ADGRG3: variants seen among roughly 807,000 people sequenced by gnomAD.
ADGRG3 encodes the protein G protein-coupled receptor 97.
In ADGRG3, 39 loss-of-function variants were observed where a neutral mutation model predicts 54.3. That is an observed-to-expected ratio of 0.72 (90% CI 0.56 to 0.94). ADGRG3 has a LOEUF of 0.94. Among genes scored for constraint, ADGRG3 ranks in the 40% least tolerant of loss-of-function variants. ADGRG3 has a pLI of 0.00. For missense variants in ADGRG3, 654 were observed against 694.6 expected, an observed-to-expected ratio of 0.94 and a Z score of 0.66; for synonymous variants, 312 against 290.0, an observed-to-expected ratio of 1.08 and a Z score of -0.77.
intron 8 of ADGRG3, 79 bp from the exon 9 acceptor site, chr16:57,683,853 G>T: frequency 1.7e-6 from 2 of 1,191,202 alleles, no homozygotes; most frequent in Non-Finnish European, 2.3e-6. Flanking sequence ...TAGGCTATTG[G>T]GGTGGACAGG....
At position 57,679,920 on chromosome 16, in the gene ADGRG3, C is replaced by T. The variant is rs181893840; in HGVS notation, c.667+65C>T. 39 of 1,319,592 alleles carry T rather than the reference C, an allele frequency of 3.0e-5. No homozygotes were observed. In the African/African-American group the frequency reaches 3.3e-4, roughly 11 times the overall value. The allele number at this position is 1,319,592 out of a possible 1,614,324, so 81.7% of individuals were successfully genotyped here. The stretch of plus-strand genomic sequence containing the variant: ...GGAGGGTATGGGCTGCATTGTGGGG[C>T]GGGGCTAGCTCCACTGGCTGAGTCC... On this transcript the variant is annotated intron_variant, in intron 6 of 11. Coordinates refer to ENST00000333493, the MANE Select transcript of ADGRG3 (RefSeq NM_170776.5).
chr16:57,667,124 C>T (rs74530452), upstream of ADGRG3, among the ~76,000 whole-genome samples: 6,217 of 152,350 alleles, frequency 0.041, 147 homozygotes, highest in South Asian at 0.073. Flanking sequence ...GCTCCCACAC[C>T]ATGAGTGACC....
intron 2 of ADGRG3, among the ~76,000 whole-genome samples, chr16:57,675,182 A>G (rs2048240043): frequency 6.6e-6 from 1 of 152,008 alleles, no homozygotes; most frequent in South Asian, 2.1e-4. Flanking sequence ...ATAAAAAGAA[A>G]TAAAATACAG....
intron 4 of ADGRG3, 53 bp downstream of exon 4, chr16:57,678,369 A>G (rs1205271194): frequency 1.9e-6 from 3 of 1,578,740 alleles, no homozygotes; most frequent in East Asian, 2.2e-5. Context: ...TGGGGGCTCC[A>G]TGCCACAGTT....
intron 10 of ADGRG3, among the ~76,000 whole-genome samples, chr16:57,684,980 TC>T (rs2048447021): frequency 6.6e-6 from 1 of 152,170 alleles, no homozygotes; most frequent in African/African-American, 2.4e-5. Flanking sequence ...GCCCGATCTC[TC>T]CCAGGGCCTC....
intron 8 of ADGRG3, among the ~76,000 whole-genome samples, chr16:57,681,699 C>G (rs1597774633): frequency 7.3e-6 from 1 of 137,420 alleles, no homozygotes; most frequent in East Asian, 2.1e-4. Flanking sequence ...GCACTCCAGC[C>G]TGGACAACAA....
At chr16:57,679,378 A>C (rs1488546668) in intron 5 of ADGRG3, 67 bp downstream of exon 5, 1 of 1,561,866 alleles carries the variant, frequency 6.4e-7, no homozygotes, top group East Asian at 2.2e-5. Flanking sequence ...ACCTGGGCCC[A>C]TGGGCCCTGC....
At chr16:57,684,262 G>T (rs1319820541) in intron 9 of ADGRG3, 50 bp downstream of exon 9, 1 of 1,589,264 alleles carries the variant, frequency 6.3e-7, no homozygotes, top group Non-Finnish European at 8.6e-7. Flanking sequence ...TGAGGGTGCA[G>T]AGGGAAATAG....
Position 57,668,357 on chromosome 16 carries a change from C to A in ADGRG3, c.10C>A (p.Pro4Thr). Residue 4 changes from proline to threonine, a missense_variant, in exon 1 of 12, where the codon CCC becomes ACC. Pro to Thr is a conservative substitution (Grantham distance 38). Transcript: ENST00000333493. ...GCAAGGCTGGCCAAGGATGGCGACGCCCAGGGGCCTGGGGGCCCTGCTCCT... is the reference window on the plus strand; with the variant it reads ...GCAAGGCTGGCCAAGGATGGCGACGACCAGGGGCCTGGGGGCCCTGCTCCT... MAT[P>T]RGLGALLLLL... 1 of 1,573,704 alleles carries A rather than the reference C, an allele frequency of 6.4e-7. No homozygotes were observed. Among genetic ancestry groups the A allele is most frequent in the Non-Finnish European group, 8.6e-7 (1 of 1,166,148 alleles).
intron 6 of ADGRG3, among the ~76,000 whole-genome samples, 166 bp downstream of exon 6, chr16:57,680,021 C>A (rs1312993409): frequency 3.4e-5 from 3 of 88,674 alleles, no homozygotes; most frequent in East Asian, 4.5e-4. Context: ...CCCCTCCCCC[C>A]CCTCCTCACC....
At chr16:57,683,517 T>C (rs1307210442) in intron 8 of ADGRG3, among the ~76,000 whole-genome samples, 1 of 152,234 alleles carries the variant, frequency 6.6e-6, no homozygotes, top group Non-Finnish European at 1.5e-5. Context: ...CACTTTTGTC[T>C]TGCCTGCTGA....
At chr16:57,686,094 G>A (rs1457050181) in intron 11 of ADGRG3, 168 bp downstream of exon 11, 1 of 676,580 alleles carries the variant, frequency 1.5e-6, no homozygotes, top group Non-Finnish European at 2.5e-6. Flanking sequence ...AGCAAAGTTT[G>A]GCTGCTGTAT....
intron 4 of ADGRG3, chr16:57,678,538 C>A: frequency 1.7e-6 from 1 of 575,850 alleles, no homozygotes; most frequent in Admixed American, 3.0e-5. Context: ...GTTTGACCCC[C>A]ACACATGAGT....
chr16:57,675,687 A>T (rs1804945309), intron 2 of ADGRG3, among the ~76,000 whole-genome samples: 1 of 152,096 alleles, frequency 6.6e-6, no homozygotes, highest in Admixed American at 6.5e-5. Context: ...CCCTGAAAAC[A>T]TTATGCTGAG....
chr16:57,667,389 TG>T (rs1467147739), upstream of ADGRG3, among the ~76,000 whole-genome samples: 1 of 152,242 alleles, frequency 6.6e-6, no homozygotes, highest in Non-Finnish European at 1.5e-5. Flanking sequence ...CCTCCAGAGT[TG>T]GCCCGAGTGG....
At chr16:57,665,981 C>T (rs2048048013), upstream of ADGRG3, among the ~76,000 whole-genome samples, 2 of 151,168 alleles carry the variant, frequency 1.3e-5, no homozygotes, top group Admixed American at 1.3e-4. Context: ...ACTCCCTCCA[C>T]TGACCTCTGT....
rs375500254 is a variant in ADGRG3 at position 57,678,230 on chromosome 16, A to C, written c.406A>C (p.Ser136Arg). The C allele has an allele frequency of 3.1e-6, 5 of 1,614,148 alleles. No individual in the cohort carries two copies. In the South Asian group the frequency reaches 4.4e-5, roughly 14 times the overall value. The part of the protein sequence containing the change: ...KPPDRVRLPK[S>R]LFRSLPGNRS... ...CCCTGACAGAGTGCGACTTCCCAAG[A>C]GCCTTTTTCGATCCCTGCCAGGCAA... is the stretch of plus-strand genomic sequence containing the variant. Residue 136 changes from serine to arginine, a missense_variant, in exon 4 of 12, where the codon AGC (serine) becomes CGC (arginine). By Grantham distance (110) the Ser-to-Arg change is moderately radical (BLOSUM62 -1). Transcript: ENST00000333493.
Position 57,685,953 on chromosome 16 carries a change from T to C in ADGRG3, c.1540+27T>C, listed in dbSNP as rs149456102. ...TGAGGCCCCTGCACCAGGGAGGTGA[T>C]GGGCTGTGTTGTCTGTCCCAGGAGG... On this transcript the variant is annotated intron_variant, in intron 11 of 11. Transcript: ENST00000333493. 1.0e-3 allele frequency: 1,682 copies of C among 1,607,892 alleles called. 4 individuals carry two copies. Among genetic ancestry groups the C allele is most frequent in the Middle Eastern group, 4.3e-3 (26 of 6,038 alleles).
upstream of ADGRG3, among the ~76,000 whole-genome samples, chr16:57,667,314 G>C (rs1312252557): frequency 6.6e-6 from 1 of 152,252 alleles, no homozygotes; most frequent in Non-Finnish European, 1.5e-5. Context: ...ACACACCTTG[G>C]TGGGATGCCC....
Sources: gnomAD v4.1 joint callset for allele counts (sites outside exome capture counted in the v4.1 genomes callset) on GRCh38, gnomAD v4.1.1 for gene constraint, MANE v1.5 for transcripts, NCBI Gene and HGNC (gene_info 2026-07-23, HGNC 2026-07-21) for gene names.